The following STPG2 variants were observed in gnomAD, a reference collection of about 807,000 sequenced individuals.
STPG2 encodes the protein sperm-tail PG-rich repeat-containing protein 2.
In STPG2, 56 loss-of-function variants were observed where a neutral mutation model predicts 54.2. That is an observed-to-expected ratio of 1.03 (90% CI 0.83 to 1.29). The LOEUF (loss-of-function observed/expected upper bound fraction) is 1.29, where lower values mean the gene tolerates loss of function less well. Among genes scored for constraint, STPG2 ranks in the 50% most tolerant of loss-of-function variants. The pLI is 0.00. For synonymous variants in STPG2, 200 were observed against 181.8 expected (o/e 1.10, Z -0.81); for missense variants, 596 against 544.9 (o/e 1.09, Z -0.93).
chr4:97,903,353 A>G (rs894996143), intron 8 of STPG2, among the ~76,000 whole-genome samples: 2 of 152,162 alleles, frequency 1.3e-5, no homozygotes, highest in Non-Finnish European at 2.9e-5. Context: ...AATATACACA[A>G]TTTTTATTTG....
At chr4:98,013,347 G>C (rs1012434896) in intron 5 of STPG2, among the ~76,000 whole-genome samples, 1 of 152,126 alleles carries the variant, frequency 6.6e-6, no homozygotes, top group Non-Finnish European at 1.5e-5. Flanking sequence ...GATTCAGTTT[G>C]CCAGCATTTT....
intron 10 of STPG2, among the ~76,000 whole-genome samples, chr4:97,690,682 G>C (rs184664852): frequency 3.4e-4 from 52 of 152,206 alleles, no homozygotes; most frequent in Admixed American, 2.2e-3. Context: ...TTGAATATAG[G>C]TGCTATTCAT....
chr4:97,860,419 G>C (rs1218208920), intron 8 of STPG2, among the ~76,000 whole-genome samples: 1 of 151,728 alleles, frequency 6.6e-6, no homozygotes, highest in African/African-American at 2.4e-5. Context: ...GTGTTTTGTA[G>C]TTTACCTTGT....
intron 1 of STPG2, among the ~76,000 whole-genome samples, chr4:98,137,010 T>C (rs956029199): frequency 1.3e-5 from 2 of 151,804 alleles, no homozygotes; most frequent in African/African-American, 4.8e-5. Context: ...AAGATACTGA[T>C]AGTGAAATTA....
intron 4 of STPG2, among the ~76,000 whole-genome samples, chr4:97,543,034 TA>T (rs1731754800): frequency 6.6e-6 from 1 of 151,982 alleles, no homozygotes; most frequent in South Asian, 2.1e-4. Flanking sequence ...AATGACGAGT[TA>T]ATGGGTGCAG....
chr4:97,638,129 C>T (rs1439284285), intron 10 of STPG2, among the ~76,000 whole-genome samples: 1 of 152,148 alleles, frequency 6.6e-6, no homozygotes, highest in Non-Finnish European at 1.5e-5. Flanking sequence ...CAGCATGGTA[C>T]TGGTACCAAA....
chr4:97,904,707 G>C (rs1731332179), intron 8 of STPG2, among the ~76,000 whole-genome samples: 1 of 152,094 alleles, frequency 6.6e-6, no homozygotes, highest in African/African-American at 2.4e-5. Flanking sequence ...TGAAAACTTT[G>C]AAAAAAATTT....
chr4:97,448,723 C>T (rs903129855), intron 4 of STPG2, among the ~76,000 whole-genome samples: 21 of 152,166 alleles, frequency 1.4e-4, no homozygotes, highest in Admixed American at 2.0e-4. Flanking sequence ...AGTGTGAGAA[C>T]GAACTGATAC....
chr4:97,564,733 CTT>C (rs779538061), intron 10 of STPG2, among the ~76,000 whole-genome samples: 6 of 152,152 alleles, frequency 3.9e-5, no homozygotes, highest in Non-Finnish European at 8.8e-5. Context: ...GTTGAAAATT[CTT>C]TTCTTTAAGA....
At chr4:97,550,219 A>G (rs1345381674) in intron 4 of STPG2, among the ~76,000 whole-genome samples, 1 of 152,122 alleles carries the variant, frequency 6.6e-6, no homozygotes, top group African/African-American at 2.4e-5. Context: ...CCTCACTACT[A>G]AAGATTTATT....
intron 7 of STPG2, among the ~76,000 whole-genome samples, chr4:97,952,689 T>C (rs1319480121): frequency 2.0e-5 from 3 of 152,172 alleles, no homozygotes; most frequent in African/African-American, 7.2e-5. Flanking sequence ...GGGAGGGTCA[T>C]AGACTCTATG....
At chr4:97,471,640 C>A (rs774206506) in intron 4 of STPG2, among the ~76,000 whole-genome samples, 1 of 152,034 alleles carries the variant, frequency 6.6e-6, no homozygotes, top group Non-Finnish European at 1.5e-5. Context: ...AAGATCAGCA[C>A]CCAACTTTCT....
intron 10 of STPG2, among the ~76,000 whole-genome samples, chr4:97,660,957 C>A (rs188836559): frequency 6.6e-6 from 1 of 152,166 alleles, no homozygotes; most frequent in African/African-American, 2.4e-5. Flanking sequence ...ACAGTCCTAG[C>A]ATGAATGAGC....
At chr4:98,105,876 C>T (rs1007682044) in intron 5 of STPG2, 77 bp downstream of exon 5, 222 of 1,256,132 alleles carry the variant, frequency 1.8e-4, no homozygotes, top group Non-Finnish European at 2.3e-4. Context: ...GATCAAAGAG[C>T]ACAGTAACCT....
intron 3 of STPG2, among the ~76,000 whole-genome samples, chr4:98,124,531 TCTG>T (rs1313515548): frequency 2.0e-5 from 3 of 152,214 alleles, no homozygotes; most frequent in Non-Finnish European, 2.9e-5. Flanking sequence ...TTGTAGGGTT[TCTG>T]CTGAGAGGTC....
At chr4:97,912,786 G>A (rs1039215032) in intron 8 of STPG2, among the ~76,000 whole-genome samples, 2 of 152,224 alleles carry the variant, frequency 1.3e-5, no homozygotes, top group African/African-American at 4.8e-5. Flanking sequence ...TCATCTAGGA[G>A]ATGCCATGCA....
intron 4 of STPG2, among the ~76,000 whole-genome samples, chr4:97,464,890 A>G (rs1729752148): frequency 6.6e-6 from 1 of 152,220 alleles, no homozygotes; most frequent in Non-Finnish European, 1.5e-5. Flanking sequence ...ACACCCTTAA[A>G]AAAAGTCATG....
chr4:97,984,344 C>T (rs1228394444), intron 5 of STPG2, among the ~76,000 whole-genome samples: 3 of 152,066 alleles, frequency 2.0e-5, no homozygotes, highest in African/African-American at 7.2e-5. Flanking sequence ...TGGATTTTGC[C>T]ATGTTGGCCA....
intron 5 of STPG2, among the ~76,000 whole-genome samples, chr4:97,983,377 G>A (rs924308989): frequency 3.3e-5 from 5 of 152,140 alleles, no homozygotes; most frequent in African/African-American, 1.2e-4. Flanking sequence ...TTGTAGCTAA[G>A]TTTGGGAGGA....
Sources: allele counts gnomAD v4.1 joint callset (sites outside exome capture counted in the v4.1 genomes callset), GRCh38; gene constraint gnomAD v4.1.1; transcripts MANE v1.5; gene names NCBI Gene and HGNC (gene_info 2026-07-23, HGNC 2026-07-21).